Variants in KCNIP4 observed in about 807,000 individuals in gnomAD.
KCNIP4 encodes Kv channel-interacting protein 4.
A neutral mutation model predicts 34.0 loss-of-function variants in KCNIP4; 12 were observed. That is an observed-to-expected ratio of 0.35 (90% CI 0.23 to 0.57). KCNIP4 has a LOEUF of 0.57. Ranked by LOEUF, KCNIP4 falls within the 20% of genes least tolerant of loss-of-function variation. The probability of loss-of-function intolerance (pLI) is 0.83; values close to 1 mark genes in which losing one functional copy is unlikely to be tolerated. For synonymous variants in KCNIP4, 124 were observed against 102.2 expected (o/e 1.21, Z -1.29); for missense variants, 238 against 311.7 (o/e 0.76, Z 1.78).
chr4:21,274,468 G>A (rs1375076744), intron 1 of KCNIP4, among the ~76,000 whole-genome samples: 1 of 152,120 alleles, frequency 6.6e-6, no homozygotes, highest in Admixed American at 6.6e-5. Context: ...GGAGCTAAGA[G>A]GAAATTGAGA....
rs1735120231 is a variant in KCNIP4, at chr4:21,519,445, T to TGC, written c.61+429125_61+429126insGC. On this transcript the variant is annotated intron_variant, in intron 1 of 8. Coordinates refer to ENST00000382152, the MANE Select transcript of KCNIP4 (RefSeq NM_025221.6). Reference sequence around the variant, plus strand: ...ATATACACATATGTGTGTATATGTATGTGTATATACACATATGTGTGTATG... The same window carrying TGC: ...ATATACACATATGTGTGTATATGTATGCGTGTATATACACATATGTGTGTATG... 5.4e-5 allele frequency among the ~76,000 whole-genome samples: 7 copies of TGC among 130,144 alleles called. 1 individual carries two copies. The highest frequency in any genetic ancestry group is 9.9e-5 in the Non-Finnish European group (6 of 60,316). 85.4% of individuals were successfully genotyped at this position (130,144 alleles called of 152,430 possible).
rs567049276 is a variant in KCNIP4, at chr4:21,194,832, A to G, written c.62-312123T>C. On this transcript the variant is annotated intron_variant, in intron 1 of 8. Coordinates refer to ENST00000382152, the MANE Select transcript of KCNIP4 (RefSeq NM_025221.6). ...ACCCTGCTGCAATTTTGGCCTACAG[A>G]AACAAGGAATAAACAGCTGTCATGT... is the stretch of plus-strand genomic sequence containing the variant. Among the ~76,000 whole-genome samples the G allele has an allele frequency of 3.3e-4, 50 of 152,338 alleles. No individual in the cohort carries two copies. In the South Asian group the frequency reaches 9.9e-3, roughly 30 times the overall value.
In KCNIP4 at chr4:21,514,431, G is replaced by T. The variant is rs146433068; in HGVS notation, c.61+434140C>A. On this transcript the variant is annotated intron_variant, in intron 1 of 8. Coordinates refer to ENST00000382152, the MANE Select transcript of KCNIP4 (RefSeq NM_025221.6). ...GGAAAAGGACAGATATTTTAGAAAA[G>T]ACATCATTGTATTATTGATATCCAC... is the stretch of plus-strand genomic sequence containing the variant. 3.7e-4 allele frequency among the ~76,000 whole-genome samples: 56 copies of T among 152,190 alleles called. No homozygotes were observed. The East Asian group carries it at 6.8e-3, about 18-fold the overall frequency.
chr4:21,205,430 C>T (rs759367097), intron 1 of KCNIP4, among the ~76,000 whole-genome samples: 4 of 152,054 alleles, frequency 2.6e-5, no homozygotes, highest in Non-Finnish European at 4.4e-5. Flanking sequence ...TGGTGTATGC[C>T]AAATGCCATG....
intron 1 of KCNIP4, among the ~76,000 whole-genome samples, chr4:21,495,489 T>G (rs952395583): frequency 6.6e-6 from 1 of 152,090 alleles, no homozygotes; most frequent in Non-Finnish European, 1.5e-5. Context: ...AACAAGGATA[T>G]GGAAACAACC....
At chr4:21,498,752 C>T (rs1733059026) in intron 1 of KCNIP4, among the ~76,000 whole-genome samples, 1 of 152,220 alleles carries the variant, frequency 6.6e-6, no homozygotes, top group African/African-American at 2.4e-5. Flanking sequence ...AGTTTAGCAA[C>T]TTGGGACATA....
At chr4:20,819,849 G>C (rs1716886619) in intron 3 of KCNIP4, among the ~76,000 whole-genome samples, 1 of 152,178 alleles carries the variant, frequency 6.6e-6, no homozygotes, top group African/African-American at 2.4e-5. Flanking sequence ...TGGAAGCAGA[G>C]AGCAAGCCCT....
chr4:21,303,691 GTCCATCCCAGAGTAACATT>G, intron 1 of KCNIP4: 1 of 738,060 alleles, frequency 1.4e-6, no homozygotes, highest in Non-Finnish European at 2.1e-6. Context: ...CTTCCTTCAT[GTCCATCCCAGAGTAACATT>G]TCTCTGATCT....
At chr4:20,818,277 T>A (rs1024143075) in intron 3 of KCNIP4, among the ~76,000 whole-genome samples, 1 of 152,166 alleles carries the variant, frequency 6.6e-6, no homozygotes, top group Non-Finnish European at 1.5e-5. Flanking sequence ...TGAGTAGCAA[T>A]AGAATAGCCA....
intron 1 of KCNIP4, among the ~76,000 whole-genome samples, chr4:21,019,593 T>A (rs879601482): frequency 4.6e-5 from 7 of 152,176 alleles, no homozygotes; most frequent in Admixed American, 1.3e-4. Context: ...ACCACCTGAA[T>A]AACTTTGAGC....
chr4:21,090,602 C>T (rs73802462), intron 1 of KCNIP4, among the ~76,000 whole-genome samples: 3,327 of 152,232 alleles, frequency 0.022, 137 homozygotes, highest in African/African-American at 0.075. Context: ...TTATGTATTG[C>T]ATTGTATGTT....
chr4:21,350,410 T>C (rs533436264), intron 1 of KCNIP4, among the ~76,000 whole-genome samples: 1 of 152,294 alleles, frequency 6.6e-6, no homozygotes, highest in East Asian at 1.9e-4. Flanking sequence ...CCAAGGAATA[T>C]GCAGGCTGCT....
chr4:21,735,348 C>T (rs1197543256), intron 1 of KCNIP4, among the ~76,000 whole-genome samples: 1 of 152,082 alleles, frequency 6.6e-6, no homozygotes, highest in African/African-American at 2.4e-5. Context: ...AGTTATAATT[C>T]AATAAATTAA....
At chr4:21,647,551 A>G (rs1747116302) in intron 1 of KCNIP4, among the ~76,000 whole-genome samples, 1 of 152,192 alleles carries the variant, frequency 6.6e-6, no homozygotes, top group Non-Finnish European at 1.5e-5. Flanking sequence ...GTTGACAGAT[A>G]ACTGAGAAAC....
chr4:20,818,920 CTTTTTTT>C (rs11382765), intron 3 of KCNIP4, among the ~76,000 whole-genome samples: 8 of 104,952 alleles, frequency 7.6e-5, no homozygotes, highest in South Asian at 3.0e-4. Context: ...TATATTATCT[CTTTTTTT>C]TTTTTTTTTT....
At chr4:21,761,561 T>C (rs986471590) in intron 1 of KCNIP4, among the ~76,000 whole-genome samples, 1 of 151,944 alleles carries the variant, frequency 6.6e-6, no homozygotes, top group Admixed American at 6.6e-5. Context: ...AAACATACAA[T>C]TCTTATGTTC....
At chr4:21,471,376 T>C (rs1730456066) in intron 1 of KCNIP4, among the ~76,000 whole-genome samples, 1 of 152,170 alleles carries the variant, frequency 6.6e-6, no homozygotes, top group African/African-American at 2.4e-5. Flanking sequence ...TAAATTTGAC[T>C]TCCTACTTCT....
chr4:21,782,612 C>T lies in KCNIP4; in HGVS notation c.61+165959G>A, dbSNP rs139032292. Among the ~76,000 whole-genome samples the T allele has an allele frequency of 1.3e-3, 196 of 152,234 alleles. 1 individual carries two copies. The highest frequency in any genetic ancestry group is 4.5e-3 in the African/African-American group (185 of 41,538). ...ACTCAGAAGGCTAAGGCAAAAGGAT[C>T]ATTTGAGCCCAGGAGGTTGAGGCCG... On this transcript the variant is annotated intron_variant, in intron 1 of 8. Transcript: ENST00000382152.
intron 1 of KCNIP4, among the ~76,000 whole-genome samples, chr4:21,032,763 G>A (rs1432546471): frequency 1.2e-5 from 1 of 84,352 alleles, no homozygotes; most frequent in African/African-American, 4.8e-5. Flanking sequence ...CTATCTTAGA[G>A]TTGGGGAAAA....
Sources: allele counts gnomAD v4.1 joint callset (sites outside exome capture counted in the v4.1 genomes callset), GRCh38; gene constraint gnomAD v4.1.1; transcripts MANE v1.5; gene names NCBI Gene and HGNC (gene_info 2026-07-23, HGNC 2026-07-21).